The following ANKRD30A variants were observed in gnomAD, a reference collection of about 807,000 sequenced individuals.
The protein encoded by ANKRD30A is ankyrin repeat domain 30A, also known as ankyrin repeat domain-containing protein 30A.
ANKRD30A carries 170 observed loss-of-function variants against 166.3 expected under a neutral mutation model. The observed-to-expected ratio is 1.02, with a 90% CI of 0.90 to 1.16. The LOEUF (loss-of-function observed/expected upper bound fraction) is 1.16, where lower values mean the gene tolerates loss of function less well. ANKRD30A is among the 50% of genes most tolerant of loss of function. The pLI, the probability that ANKRD30A is intolerant of heterozygous loss-of-function variation, is 0.00. For missense variants in ANKRD30A, 1,630 were observed against 1,518.0 expected (o/e 1.07, Z -1.23); for synonymous variants, 564 against 508.9 (o/e 1.11, Z -1.46).
intron 15 of ANKRD30A, 60 bp downstream of exon 15, chr10:37,158,646 T>A (rs1381023289): frequency 8.2e-6 from 13 of 1,589,400 alleles, no homozygotes; most frequent in Non-Finnish European, 1.1e-5. Flanking sequence ...TTTGAAATGC[T>A]GTGAGACTTT....
chr10:37,197,236 G>A (rs747214858), intron 27 of ANKRD30A, 45 bp from the exon 28 acceptor site: 1 of 1,605,666 alleles, frequency 6.2e-7, no homozygotes, highest in Non-Finnish European at 8.5e-7. Flanking sequence ...TGGCTGGCTT[G>A]TCATATTTAC....
Position 37,152,063 on chromosome 10 carries a change from C to T in ANKRD30A, c.1649C>T (p.Pro550Leu), listed in dbSNP as rs45515098. The change falls in exon 12 of 36, where the codon CCG becomes CTG. Residue 550 changes from proline (P) to leucine (L), a missense_variant. Pro to Leu is a moderately conservative substitution (Grantham distance 98). Coordinates refer to ENST00000361713, the MANE Select transcript of ANKRD30A (RefSeq NM_052997.3). ...LKNEQTLRAD[P>L]MFPPESKQKD... Reference sequence around the variant, plus strand: ...TTCTGTGATTAACCTTTTATAGATCCGATGTTCCCACCAGAATCCAAACAA... The same window carrying T: ...TTCTGTGATTAACCTTTTATAGATCTGATGTTCCCACCAGAATCCAAACAA... The T allele has an allele frequency of 9.4e-5, 151 of 1,607,258 alleles. 1 individual carries two copies. The highest frequency in any genetic ancestry group is 1.6e-4 in the South Asian group (14 of 90,096).
intron 8 of ANKRD30A, among the ~76,000 whole-genome samples, chr10:37,146,246 A>T (rs1364666729): frequency 6.6e-6 from 1 of 152,278 alleles, no homozygotes; most frequent in Non-Finnish European, 1.5e-5. Flanking sequence ...ATTTTATTCA[A>T]GTACTTTTTC....
At chr10:37,197,073 A>G (rs889740858) in intron 27 of ANKRD30A, among the ~76,000 whole-genome samples, 1 of 152,158 alleles carries the variant, frequency 6.6e-6, no homozygotes, top group Non-Finnish European at 1.5e-5. Context: ...TCTTAACTGC[A>G]TGATCTGTGA....
At chr10:37,150,797 A>G (rs1280211732) in intron 11 of ANKRD30A, among the ~76,000 whole-genome samples, 1 of 152,086 alleles carries the variant, frequency 6.6e-6, no homozygotes, top group East Asian at 1.9e-4. Context: ...CAGATTTCAG[A>G]CTCTTTCAAA....
At chr10:37,162,400 A>T (rs185051728) in intron 15 of ANKRD30A, among the ~76,000 whole-genome samples, 1,616 of 152,276 alleles carry the variant, frequency 0.011, 39 homozygotes, top group East Asian at 0.095. Context: ...TCAACCCTTT[A>T]TACACATGAA....
rs1409784628 is a variant in ANKRD30A, at chr10:37,136,632, AT to A, written c.782del (p.Ile261AsnfsTer136). 2 of 1,416,394 alleles carry A rather than the reference AT, an allele frequency of 1.4e-6. No homozygotes were observed. The highest frequency in any genetic ancestry group is 1.3e-5 in the South Asian group (1 of 78,674). 87.7% of individuals were successfully genotyped at this position (1,416,394 alleles called of 1,614,324 possible). A position where few individuals can be genotyped will look rare whatever the true frequency, so the allele number is the denominator to read the frequency against. Reference sequence around the variant, plus strand: ...CATTCATGAACAAATTATGGAATATATACGAAAATTATCTAAAAATCATCAA... The same window carrying A: ...CATTCATGAACAAATTATGGAATATAACGAAAATTATCTAAAAATCATCAA... ...HHIHEQIMEY[I>X]RKLSKNHQNT... is the part of the protein sequence containing the mutation. On this transcript the variant is annotated frameshift_variant, in exon 6 of 36. Transcript: ENST00000361713. LOFTEE classifies it high-confidence loss of function.
At chr10:37,201,089 T>A (rs1276178154) in intron 30 of ANKRD30A, 146 bp from the exon 31 acceptor site, 3 of 468,662 alleles carry the variant, frequency 6.4e-6, no homozygotes, top group Non-Finnish European at 1.0e-5. Context: ...TATTAAAATG[T>A]TTTTTTTTAT....
rs1564583221 is a variant in ANKRD30A at position 37,216,400 on chromosome 10, A to C, written c.3083+6A>C. On this transcript the variant is annotated splice_donor_region_variant and intron_variant, in intron 32 of 35. Transcript: ENST00000361713. The stretch of plus-strand genomic sequence containing the variant: ...CAAGAGCTCTGCAGTGTGAGGTGTG[A>C]TTTCCTAGTTTTAAATAAATATTTC... 6.3e-7 allele frequency: 1 copy of C among 1,577,486 alleles called. No individual in the cohort carries two copies. Among genetic ancestry groups the C allele is most frequent in the Admixed American group, 1.9e-5 (1 of 51,682 alleles).
intron 9 of ANKRD30A, among the ~76,000 whole-genome samples, chr10:37,148,182 G>A (rs2132548906): frequency 6.6e-6 from 1 of 152,202 alleles, no homozygotes; most frequent in South Asian, 2.1e-4. Flanking sequence ...GATACCAGTG[G>A]TACTTGGAGC....
intron 18 of ANKRD30A, among the ~76,000 whole-genome samples, chr10:37,165,735 T>G (rs1029216290): frequency 1.3e-5 from 2 of 152,128 alleles, no homozygotes; most frequent in African/African-American, 4.8e-5. Context: ...AAAATATAAA[T>G]TATATTTTCA....
chr10:37,219,305 A>C lies in ANKRD30A; in HGVS notation c.3593A>C (p.His1198Pro), dbSNP rs1266058591. 6.2e-7 allele frequency: 1 copy of C among 1,610,498 alleles called. No individual in the cohort carries two copies. Among genetic ancestry groups the C allele is most frequent in the South Asian group, 1.1e-5 (1 of 90,998 alleles). ...ATACTAGAGGCAGAAATTGAATCAC[A>C]CCATCCTAGACTGGCTTCTGCTGTA... ...KEILEAEIES[H>P]HPRLASAVQD... Residue 1198 changes from histidine (H) to proline (P), a missense_variant, in exon 34 of 36, where the codon CAC (histidine) becomes CCC (proline). Physicochemically the swap from His to Pro is moderately conservative, Grantham distance 77 (BLOSUM62 -2). Around this residue, in one of 4 missense-constraint regions of ANKRD30A, gnomAD observed 712 missense variants for 629.3 expected, o/e 1.13. Transcript: ENST00000361713.
chr10:37,212,153 T>C (rs1426052240), intron 31 of ANKRD30A, among the ~76,000 whole-genome samples: 2 of 152,058 alleles, frequency 1.3e-5, no homozygotes, highest in Non-Finnish European at 2.9e-5. Flanking sequence ...CTCAAGCTGA[T>C]AGGCAACCTC....
chr10:37,137,197 A>ACAAATAATT (rs1415138857), intron 6 of ANKRD30A, among the ~76,000 whole-genome samples: 1 of 152,198 alleles, frequency 6.6e-6, no homozygotes, highest in Non-Finnish European at 1.5e-5. Context: ...ATTACAAGCC[A>ACAAATAATT]CAAATAATTG....
chr10:37,232,695 A>AGAGAGAGAGAGAG (rs1564604874), downstream of ANKRD30A: 28 of 10,860 alleles, frequency 2.6e-3, no homozygotes, highest in African/African-American at 6.7e-3. Flanking sequence ...TATATATATA[A>AGAGAGAGAGAGAG]ATAGAGAGAG....
intron 35 of ANKRD30A, 92 bp downstream of exon 35, chr10:37,231,772 G>T: frequency 9.3e-6 from 2 of 213,944 alleles, no homozygotes; most frequent in Non-Finnish European, 1.8e-5. Flanking sequence ...ATTGACTCAC[G>T]TGTGTTAAAT....
chr10:37,167,174 A>G (rs979095621), intron 19 of ANKRD30A, among the ~76,000 whole-genome samples: 3 of 151,402 alleles, frequency 2.0e-5, no homozygotes, highest in Non-Finnish European at 4.4e-5. Flanking sequence ...GAAAAGTTTT[A>G]CTGCAGAATG....
the ANKRD30A span, among the ~76,000 whole-genome samples, chr10:37,259,372 G>T: frequency 1.3e-5 from 2 of 152,306 alleles, no homozygotes; most frequent in South Asian, 2.1e-4. Context: ...ATAATGCCAA[G>T]TGACAGCAAG....
intron 24 of ANKRD30A, among the ~76,000 whole-genome samples, chr10:37,178,196 C>G (rs1839886632): frequency 6.6e-6 from 1 of 151,184 alleles, no homozygotes; most frequent in African/African-American, 2.4e-5. Flanking sequence ...CAAAATTTAC[C>G]AGAGAATTAC....
Sources: gnomAD v4.1 joint callset for allele counts (sites outside exome capture counted in the v4.1 genomes callset) on GRCh38, gnomAD v4.1.1 for gene constraint, gnomAD v4.1.1 regional missense constraint, MANE v1.5 for transcripts, NCBI Gene and HGNC (gene_info 2026-07-23, HGNC 2026-07-21) for gene names.